The following FAM13B variants were observed in gnomAD, a reference collection of about 807,000 sequenced individuals.
FAM13B encodes protein FAM13B.
A neutral mutation model predicts 117.3 loss-of-function variants in FAM13B; 60 were observed. The observed-to-expected ratio is 0.51, with a 90% CI of 0.42 to 0.63. FAM13B has a LOEUF of 0.63. FAM13B is among the 30% of genes least tolerant of loss of function. The pLI, the probability that FAM13B is intolerant of heterozygous loss-of-function variation, is 0.00. For synonymous variants in FAM13B, 332 were observed against 356.1 expected, an observed-to-expected ratio of 0.93 and a Z score of 0.76; for missense variants, 972 against 1,091.9, an observed-to-expected ratio of 0.89 and a Z score of 1.55.
At chr5:138,049,834 C>T (rs1047846560) in intron 1 of FAM13B, among the ~76,000 whole-genome samples, 1 of 151,980 alleles carries the variant, frequency 6.6e-6, no homozygotes, top group Non-Finnish European at 1.5e-5. Context: ...TAATAAAATC[C>T]GACATGTTTG....
chr5:138,050,915 T>A (rs936717616), intron 1 of FAM13B, among the ~76,000 whole-genome samples: 7 of 152,106 alleles, frequency 4.6e-5, no homozygotes. Flanking sequence ...AATACAAAAA[T>A]AATACATATT....
chr5:137,961,720 T>C (rs1768180304), intron 11 of FAM13B, among the ~76,000 whole-genome samples: 1 of 152,230 alleles, frequency 6.6e-6, no homozygotes, highest in Admixed American at 6.5e-5. Flanking sequence ...TGCAACTTCA[T>C]TACTGAAGTG....
At chr5:138,039,469 C>CT (rs1791405886) in intron 1 of FAM13B, 1 of 152,074 alleles carries the variant, frequency 6.6e-6, no homozygotes, top group Non-Finnish European at 1.5e-5. Flanking sequence ...TTTTTTTCCC[C>CT]TTTGAGTCAG....
At chr5:137,979,424 C>T (rs1467900514) in intron 10 of FAM13B, among the ~76,000 whole-genome samples, 1 of 152,164 alleles carries the variant, frequency 6.6e-6, no homozygotes, top group African/African-American at 2.4e-5. Flanking sequence ...AAAAAACCTT[C>T]TTCCTAAAAT....
chr5:138,018,351 T>C lies in FAM13B; in HGVS notation c.321A>G (p.Glu107=), dbSNP rs1785769069. ...TATGTAAACTGCCAGGGATAACAGG[T>C]TCAGGAAGTTCTTGAAGAAAAAATC... ...LLRFFLQELP[E]PVIPGSLHIH... Residue 107 remains glutamate (E), a synonymous_variant, in exon 4 of 24, where the codon GAA becomes GAG. Transcript: ENST00000689681. 4 of 1,614,020 alleles carry C rather than the reference T, an allele frequency of 2.5e-6. No homozygotes were observed. The highest frequency in any genetic ancestry group is 2.2e-5 in the South Asian group (2 of 91,084).
chr5:138,026,816 T>G (rs1788536178), intron 1 of FAM13B, among the ~76,000 whole-genome samples: 1 of 150,964 alleles, frequency 6.6e-6, no homozygotes, highest in African/African-American at 2.4e-5. Flanking sequence ...GCACACGCCT[T>G]TAATCACAGC....
chr5:138,003,393 C>T (rs1041867387), intron 7 of FAM13B, among the ~76,000 whole-genome samples: 7 of 152,118 alleles, frequency 4.6e-5, no homozygotes, highest in African/African-American at 1.4e-4. Flanking sequence ...CTGAAAAGTA[C>T]TATAATGAAG....
At chr5:137,955,275 T>C (rs1012978009) in intron 14 of FAM13B, among the ~76,000 whole-genome samples, 4 of 152,224 alleles carry the variant, frequency 2.6e-5, no homozygotes, top group African/African-American at 9.6e-5. Context: ...AATTCTAATA[T>C]TCCCAAAGGA....
rs199713198 is a variant in FAM13B at position 137,945,977 on chromosome 5, G to A, written c.2265C>T (p.His755=). Residue 755 remains histidine, a synonymous_variant, in exon 20 of 24, where the codon CAC becomes CAT. Coordinates refer to ENST00000689681, the MANE Select transcript of FAM13B (RefSeq NM_001385994.1). ...HGRPVTKEER[H]IVKPLYDRYR... ...ATCTATCATAGAGAGGTTTAACAAT[G>A]TGCCTTTCTTCCTTGGTCACCTGAA... The A allele has an allele frequency of 9.3e-6, 15 of 1,612,714 alleles. No homozygotes were observed. In the Admixed American group the frequency reaches 1.8e-4, roughly 20 times the overall value.
chr5:138,035,017 T>TTTTTTTTTTTTTTTG (rs1790997002), upstream of FAM13B, among the ~76,000 whole-genome samples: 1 of 117,050 alleles, frequency 8.5e-6, no homozygotes, highest in Non-Finnish European at 1.8e-5. Context: ...TTTTTTTTTT[T>TTTTTTTTTTTTTTTG]TTTTTTTTTT....
At chr5:138,019,943 T>A (rs764589547) in intron 2 of FAM13B, 1 of 754,116 alleles carries the variant, frequency 1.3e-6, no homozygotes, top group African/African-American at 1.9e-5. Flanking sequence ...GCCCCCAAAG[T>A]GCTGGGATTA....
rs749986922 is a variant in FAM13B at position 137,942,887 on chromosome 5, C to G, written c.2576G>C (p.Arg859Pro). The change falls in exon 22 of 24, where the codon CGA (arginine) becomes CCA (proline). Residue 859 changes from arginine (R) to proline (P), a missense_variant. Physicochemically the swap from Arg to Pro is moderately radical, Grantham distance 103 (BLOSUM62 -2). Transcript: ENST00000689681. Reference protein sequence around the residue: ...LALDLRLSSSRAASMPELLEQ... With the variant: ...LALDLRLSSSPAASMPELLEQ... The stretch of plus-strand genomic sequence containing the variant: ...TCAGCATACATACATAGAAGCTGCT[C>G]GAGAACTTGACAATCGGAGATCCAG... The G allele has an allele frequency of 1.9e-6, 3 of 1,608,162 alleles. No individual in the cohort carries two copies. Among genetic ancestry groups the G allele is most frequent in the East Asian group, 4.5e-5 (2 of 44,842 alleles).
chr5:137,987,640 A>T (rs1272193150), intron 8 of FAM13B, 24 bp from the exon 9 acceptor site: 2 of 1,599,512 alleles, frequency 1.3e-6, no homozygotes, highest in East Asian at 2.2e-5. Flanking sequence ...CGTTTTAGTA[A>T]GAAGCAGTCA....
intron 18 of FAM13B, among the ~76,000 whole-genome samples, chr5:137,948,301 T>C (rs1225829223): frequency 6.6e-6 from 1 of 152,130 alleles, no homozygotes; most frequent in Non-Finnish European, 1.5e-5. Context: ...ATGCATAAAA[T>C]ATAACCAGCC....
At chr5:137,985,902 T>C (rs1397907571) in intron 9 of FAM13B, among the ~76,000 whole-genome samples, 1 of 152,178 alleles carries the variant, frequency 6.6e-6, no homozygotes, top group African/African-American at 2.4e-5. Flanking sequence ...AAAATAAGAC[T>C]ATCACCTGAG....
intron 23 of FAM13B, 38 bp from the exon 24 acceptor site, chr5:137,940,386 C>T: frequency 6.8e-7 from 1 of 1,473,502 alleles, no homozygotes; most frequent in Non-Finnish European, 9.2e-7. Flanking sequence ...TTCTAGAGAT[C>T]ATTTGGAAAA....
At position 138,006,308 on chromosome 5, in the gene FAM13B, T is replaced by C. The variant is rs113298818; in HGVS notation, c.848+682A>G. 5.3e-5 allele frequency among the ~76,000 whole-genome samples: 8 copies of C among 152,332 alleles called. 1 individual carries two copies. The highest frequency in any genetic ancestry group is 1.9e-4 in the African/African-American group (8 of 41,578). On this transcript the variant is annotated intron_variant, in intron 7 of 23. Coordinates refer to ENST00000689681, the MANE Select transcript of FAM13B (RefSeq NM_001385994.1). ...CTAAGTAGAAAGGGTTAGTAAACCA[T>C]GGAGCTTTACGGAGAACGAGCATAG...
At chr5:138,039,155 C>T (rs1482493792) in intron 1 of FAM13B, 1 of 152,124 alleles carries the variant, frequency 6.6e-6, no homozygotes, top group Non-Finnish European at 1.5e-5. Flanking sequence ...TTATTAAATT[C>T]CTATAATCAG....
intron 18 of FAM13B, 41 bp from the exon 19 acceptor site, chr5:137,946,352 A>C (rs1474730295): frequency 2.9e-6 from 4 of 1,359,636 alleles, no homozygotes; most frequent in African/African-American, 3.0e-5. Context: ...CAAAAAAAAA[A>C]AAACAAAAAC....
Sources: gnomAD v4.1 joint callset for allele counts (sites outside exome capture counted in the v4.1 genomes callset) on GRCh38, gnomAD v4.1.1 for gene constraint, MANE v1.5 for transcripts, NCBI Gene and HGNC (gene_info 2026-07-23, HGNC 2026-07-21) for gene names.